TMEM87B: variants seen among roughly 807,000 people sequenced by gnomAD.
TMEM87B encodes the protein transmembrane protein 87B.
In TMEM87B, 83 loss-of-function variants were observed where a neutral mutation model predicts 80.3. The ratio of observed to expected loss-of-function variants is 1.03; its 90% CI spans 0.87 to 1.24. The LOEUF is 1.24. Among genes scored for constraint, TMEM87B ranks in the 50% most tolerant of loss-of-function variants. The probability of loss-of-function intolerance (pLI) is 0.00; values close to 1 mark genes in which losing one functional copy is unlikely to be tolerated. For synonymous variants in TMEM87B, 219 were observed against 230.5 expected (o/e 0.95, Z 0.45); for missense variants, 625 against 674.4 (o/e 0.93, Z 0.81).
chr2:112,055,654 C>T lies in TMEM87B; in HGVS notation c.63C>T (p.Ala21=), dbSNP rs759035949. ...LLPRRRRCFP[A]RAPLLRVALC... is the part of the protein sequence containing the mutation. ...CACGCCGCCGCCGCTGCTTTCCCGC[C>T]CGGGCCCCGCTGCTGCGCGTCGCCC... is the stretch of plus-strand genomic sequence containing the variant. Residue 21 remains alanine (A), a synonymous_variant, in exon 1 of 19, where the codon GCC becomes GCT. Coordinates refer to ENST00000283206, the MANE Select transcript of TMEM87B (RefSeq NM_032824.3). The T allele has an allele frequency of 6.4e-7, 1 of 1,573,174 alleles. No individual in the cohort carries two copies. The highest frequency in any genetic ancestry group is 8.6e-7 in the Non-Finnish European group (1 of 1,162,676).
intron 3 of TMEM87B, among the ~76,000 whole-genome samples, chr2:112,066,600 C>A (rs1306721254): frequency 6.6e-6 from 1 of 152,194 alleles, no homozygotes; most frequent in Non-Finnish European, 1.5e-5. Flanking sequence ...ATCTCTTACA[C>A]ATGGGATAAA....
chr2:112,067,460 G>T (rs1319674272), intron 4 of TMEM87B, among the ~76,000 whole-genome samples: 1 of 152,118 alleles, frequency 6.6e-6, no homozygotes, highest in Non-Finnish European at 1.5e-5. Flanking sequence ...TTAGCCGGGT[G>T]TGGTGGCATG....
chr2:112,086,625 C>T (rs1349085923), intron 9 of TMEM87B, among the ~76,000 whole-genome samples: 1 of 152,156 alleles, frequency 6.6e-6, no homozygotes, highest in African/African-American at 2.4e-5. Context: ...TCAGACCTTT[C>T]TTCCTGCTTC....
intron 4 of TMEM87B, among the ~76,000 whole-genome samples, chr2:112,068,407 CAATG>C (rs1218574762): frequency 2.0e-5 from 3 of 152,184 alleles, no homozygotes; most frequent in Non-Finnish European, 4.4e-5. Context: ...GTGTACTCCT[CAATG>C]AATTTTTAAA....
intron 1 of TMEM87B, among the ~76,000 whole-genome samples, chr2:112,058,134 TAA>T (rs1192741805): frequency 6.6e-6 from 1 of 152,178 alleles, no homozygotes; most frequent in Non-Finnish European, 1.5e-5. Flanking sequence ...GCCTCAGTCT[TAA>T]AAGATGGATA....
At chr2:112,067,742 C>A (rs563508991) in intron 4 of TMEM87B, among the ~76,000 whole-genome samples, 2 of 152,360 alleles carry the variant, frequency 1.3e-5, no homozygotes, top group South Asian at 4.1e-4. Context: ...ACCTTTGCAT[C>A]CATCATCCCA....
intron 4 of TMEM87B, 116 bp from the exon 5 acceptor site, chr2:112,074,796 A>G (rs1221717642): frequency 8.0e-7 from 1 of 1,246,150 alleles, no homozygotes; most frequent in Non-Finnish European, 1.1e-6. Flanking sequence ...TTGTTCTTTG[A>G]TGTTTAGCTT....
At chr2:112,069,662 T>C (rs948838214) in intron 4 of TMEM87B, among the ~76,000 whole-genome samples, 37 of 152,252 alleles carry the variant, frequency 2.4e-4, no homozygotes, top group Admixed American at 8.5e-4. Flanking sequence ...GAACGATTTA[T>C]ATCCCTTTGG....
At chr2:112,073,958 C>G (rs1012498906) in intron 4 of TMEM87B, among the ~76,000 whole-genome samples, 8 of 152,168 alleles carry the variant, frequency 5.3e-5, no homozygotes, top group African/African-American at 1.9e-4. Context: ...AGATTTTTCT[C>G]CAACCCTTTA....
At chr2:112,061,458 C>A (rs1678255909) in intron 2 of TMEM87B, among the ~76,000 whole-genome samples, 1 of 152,148 alleles carries the variant, frequency 6.6e-6, no homozygotes, top group South Asian at 2.1e-4. Context: ...GGCTAGCCAG[C>A]AGCTAGAAAG....
intron 6 of TMEM87B, among the ~76,000 whole-genome samples, chr2:112,079,520 A>G (rs1423326714): frequency 1.3e-5 from 2 of 152,204 alleles, no homozygotes; most frequent in East Asian, 3.8e-4. Context: ...CTGTTGATGG[A>G]CACTTACCTT....
chr2:112,116,072 T>C lies in TMEM87B; in HGVS notation c.1609-12T>C. 1.2e-6 allele frequency: 2 copies of C among 1,609,560 alleles called. No homozygotes were observed. The highest frequency in any genetic ancestry group is 1.3e-5 in the African/African-American group (1 of 74,924). On this transcript the variant is annotated splice_polypyrimidine_tract_variant and intron_variant, in intron 18 of 18. Coordinates refer to ENST00000283206, the MANE Select transcript of TMEM87B (RefSeq NM_032824.3). ...CAACATGTTGATACATATCTTCTTT[T>C]TTTTTCTTCAGGAAATCATGACCAG...
rs554454520 is a variant in TMEM87B at position 112,087,550 on chromosome 2, A to G, written c.938+1446A>G. Among the ~76,000 whole-genome samples the G allele has an allele frequency of 4.0e-5, 6 of 151,548 alleles. No homozygotes were observed. The South Asian group carries it at 1.3e-3, about 32-fold the overall frequency. ...CGCATGAACCACTTTCCTCTTCTTG[A>G]TAGTCACGGGCCACCCCTGCCTTTG... On this transcript the variant is annotated intron_variant, in intron 9 of 18. Transcript: ENST00000283206.
intron 17 of TMEM87B, among the ~76,000 whole-genome samples, chr2:112,109,144 G>T (rs918935450): frequency 6.6e-6 from 1 of 152,166 alleles, no homozygotes; most frequent in African/African-American, 2.4e-5. Context: ...ACTAAACTGT[G>T]ATAACTGAAA....
chr2:112,081,012 T>C, intron 6 of TMEM87B, 45 bp from the exon 7 acceptor site: 4 of 1,548,714 alleles, frequency 2.6e-6, no homozygotes, highest in African/African-American at 1.4e-5. Flanking sequence ...CATTTAAAGA[T>C]TTAAGACTGA....
chr2:112,057,425 G>A (rs6727484), intron 1 of TMEM87B, among the ~76,000 whole-genome samples: 29,856 of 152,122 alleles, frequency 0.2, 3,386 homozygotes, highest in African/African-American at 0.31. Flanking sequence ...ATAGGTACAT[G>A]CCACACACCA....
At position 112,085,969 on chromosome 2, in the gene TMEM87B, A is replaced by C. The variant is rs183051670; in HGVS notation, c.839-36A>C. ...TCTTGGTTGGCAGGCTTCCAGGTGT[A>C]GACAAAGTGAATTATTTTATTTTTT... On this transcript the variant is annotated intron_variant, in intron 8 of 18. Transcript: ENST00000283206. 4 of 1,581,276 alleles carry C rather than the reference A, an allele frequency of 2.5e-6. No individual in the cohort carries two copies. In the East Asian group the frequency reaches 9.0e-5, roughly 36 times the overall value.
intron 6 of TMEM87B, among the ~76,000 whole-genome samples, chr2:112,078,079 AG>A (rs1450500480): frequency 6.6e-6 from 1 of 152,196 alleles, no homozygotes; most frequent in African/African-American, 2.4e-5. Context: ...GAAGCTGGCA[AG>A]GTGGCTGCTC....
chr2:112,078,276 G>A (rs970474602), intron 6 of TMEM87B, among the ~76,000 whole-genome samples: 60 of 152,310 alleles, frequency 3.9e-4, no homozygotes, highest in African/African-American at 1.4e-3. Context: ...CAGTTCTTGA[G>A]GCTGCGATGT....
Sources: allele counts gnomAD v4.1 joint callset (sites outside exome capture counted in the v4.1 genomes callset), GRCh38; gene constraint gnomAD v4.1.1; transcripts MANE v1.5; gene names NCBI Gene and HGNC (gene_info 2026-07-23, HGNC 2026-07-21).